Variants in B9D1 observed in about 807,000 individuals in gnomAD.
B9D1 encodes the protein B9 domain containing 1.
A neutral mutation model predicts 26.1 loss-of-function variants in B9D1; 20 were observed. The ratio of observed to expected loss-of-function variants is 0.77; its 90% CI spans 0.54 to 1.12. B9D1 has a LOEUF of 1.12. B9D1 is among the 50% of genes most tolerant of loss of function. The probability of loss-of-function intolerance (pLI) is 0.00; values close to 1 mark genes in which losing one functional copy is unlikely to be tolerated. For synonymous variants in B9D1, 105 were observed against 103.1 expected (o/e 1.02, Z -0.11); for missense variants, 260 against 273.7 (o/e 0.95, Z 0.35).
At chr17:19,339,889 G>A (rs1009090197), downstream of B9D1, among the ~76,000 whole-genome samples, 2 of 152,194 alleles carry the variant, frequency 1.3e-5, no homozygotes, top group African/African-American at 4.8e-5. Flanking sequence ...CCTAGGAAAT[G>A]TAGTCTTCTG....
intron 1 of B9D1, among the ~76,000 whole-genome samples, chr17:19,374,370 T>A (rs1036096572): frequency 2.0e-5 from 3 of 152,196 alleles, no homozygotes; most frequent in African/African-American, 4.8e-5. Flanking sequence ...ATGGCAAATC[T>A]CCCCATTTTT....
intron 1 of B9D1, 22 bp from the exon 2 acceptor site, chr17:19,360,410 T>G: frequency 6.2e-7 from 1 of 1,610,014 alleles, no homozygotes; most frequent in South Asian, 1.1e-5. Flanking sequence ...ACAGACAGAT[T>G]CTGTCGACTG....
chr17:19,376,982 C>A (rs1041274174), intron 1 of B9D1, among the ~76,000 whole-genome samples: 6 of 152,122 alleles, frequency 3.9e-5, no homozygotes, highest in Non-Finnish European at 5.9e-5. Context: ...TTTGAGTTGT[C>A]CCGCCCTTCC....
chr17:19,347,863 T>G lies in B9D1; in HGVS notation c.262A>C (p.Ser88Arg). 6.2e-7 allele frequency: 1 copy of G among 1,614,084 alleles called. No homozygotes were observed. Among genetic ancestry groups the G allele is most frequent in the Non-Finnish European group, 8.5e-7 (1 of 1,180,016 alleles). Residue 88 changes from serine to arginine, a missense_variant, in exon 4 of 7, where the codon AGC (serine) becomes CGC (arginine). Physicochemically the swap from Ser to Arg is moderately radical, Grantham distance 110. Transcript: ENST00000261499. This position sits in a 1 kb window ranked among gnomAD's most constrained non-coding sequence, Gnocchi z 4.3. ...NPYGWPQIVL[S>R]VYGPDVFGND... is the part of the protein sequence containing the mutation. Reference sequence around the variant, plus strand: ...CCGAACACATCTGGTCCATACACGCTGAGCACGATCTGTGGCCCTTGGGAA... The same window carrying G: ...CCGAACACATCTGGTCCATACACGCGGAGCACGATCTGTGGCCCTTGGGAA...
intron 5 of B9D1, among the ~76,000 whole-genome samples, chr17:19,344,341 C>T (rs1908424158): frequency 6.6e-6 from 1 of 152,218 alleles, no homozygotes; most frequent in Admixed American, 6.5e-5. Context: ...CTCAGCCTTA[C>T]CTCCCACTAG....
chr17:19,357,235 C>T (rs1287230852), intron 3 of B9D1, among the ~76,000 whole-genome samples: 17 of 152,242 alleles, frequency 1.1e-4, no homozygotes, highest in Admixed American at 1.1e-3. Context: ...TATTCATAGT[C>T]CCCATGGAGA....
At chr17:19,360,906 C>T (rs1292063328) in intron 1 of B9D1, among the ~76,000 whole-genome samples, 4 of 152,146 alleles carry the variant, frequency 2.6e-5, no homozygotes, top group South Asian at 2.1e-4. Flanking sequence ...CTGTTAGGAA[C>T]GGGTCCACAC....
chr17:19,352,615 G>A (rs1221760185), intron 3 of B9D1, among the ~76,000 whole-genome samples: 4 of 145,052 alleles, frequency 2.8e-5, no homozygotes, highest in Admixed American at 7.3e-5. Context: ...TCCACCTCCC[G>A]GGTTCAAGTG....
At chr17:19,348,330 C>A (rs1909137063) in intron 3 of B9D1, among the ~76,000 whole-genome samples, 1 of 152,170 alleles carries the variant, frequency 6.6e-6, no homozygotes, top group Non-Finnish European at 1.5e-5. Flanking sequence ...AAAGAAAAAC[C>A]TTCTGGGCAT....
chr17:19,357,950 C>G lies in B9D1; in HGVS notation c.134G>C (p.Gly45Ala). 1 of 1,610,882 alleles carries G rather than the reference C, an allele frequency of 6.2e-7. No individual in the cohort carries two copies. Among genetic ancestry groups the G allele is most frequent in the Non-Finnish European group, 8.5e-7 (1 of 1,177,012 alleles). Residue 45 changes from glycine (G) to alanine (A), a missense_variant and splice_region_variant, in exon 3 of 7, where the codon GGT becomes GCT. By Grantham distance (60) the Gly-to-Ala change is moderately conservative. Transcript: ENST00000261499. ...GATCTGTGAGATCCCCTCCTCCAGA[C>G]CCTGTGAGGACAGTGACACAGACGG... ...VYGQDWAPTA[G>A]LEEGISQITS...
At chr17:19,345,040 C>T (rs952866653) in intron 5 of B9D1, among the ~76,000 whole-genome samples, 1 of 152,224 alleles carries the variant, frequency 6.6e-6, no homozygotes, top group African/African-American at 2.4e-5. Context: ...AGATCCCATC[C>T]CGGAGCTCAC....
downstream of B9D1, chr17:19,337,574 C>T (rs1907548510): frequency 9.4e-6 from 7 of 745,276 alleles, no homozygotes; most frequent in Non-Finnish European, 1.6e-5. Flanking sequence ...CCGTTCAGTG[C>T]AGGGGACAGG....
intron 2 of B9D1, among the ~76,000 whole-genome samples, chr17:19,358,728 C>G (rs1248340471): frequency 6.6e-6 from 1 of 152,206 alleles, no homozygotes; most frequent in Non-Finnish European, 1.5e-5. Context: ...CTTTGGCCAG[C>G]TCCTCTACCT....
chr17:19,373,559 T>TTTTTGTA (rs1911988226), intron 1 of B9D1, among the ~76,000 whole-genome samples: 1 of 151,946 alleles, frequency 6.6e-6, no homozygotes. Flanking sequence ...GCCCAGCTAA[T>TTTTTGTA]TTTTGTATTT....
In B9D1 at chr17:19,362,722, G is replaced by C; in HGVS notation, c.-153C>G. On this transcript the variant is annotated 5_prime_UTR_variant, in exon 1 of 7. Transcript: ENST00000261499. ...GGCCACGCGAGTGCGCGTGTGGCAT[G>C]CGCAGGCGCAGTGAACGGGCGCCGT... 1 of 1,527,350 alleles carries C rather than the reference G, an allele frequency of 6.5e-7. No individual in the cohort carries two copies. The highest frequency in any genetic ancestry group is 1.2e-5 in the South Asian group (1 of 83,304). The allele number at this position is 1,527,350 out of a possible 1,614,324, so 94.6% of individuals were successfully genotyped here.
upstream of B9D1, among the ~76,000 whole-genome samples, chr17:19,364,010 C>T (rs532190496): frequency 9.2e-5 from 14 of 152,308 alleles, no homozygotes; most frequent in South Asian, 2.1e-4. The surrounding 1 kb of genome is among the most constrained non-coding windows in gnomAD (Gnocchi z 4.3). Context: ...CTTCTTCCCC[C>T]GCTCTGTCCA....
upstream of B9D1, chr17:19,362,772 C>CGGGGAACACGGGGG: frequency 1.4e-6 from 1 of 722,342 alleles, no homozygotes; most frequent in Non-Finnish European, 2.1e-6. Flanking sequence ...GCACAAGGGG[C>CGGGGAACACGGGGG]GGGGATCCAC....
chr17:19,340,032 A>ACC (rs1907773160), downstream of B9D1, among the ~76,000 whole-genome samples: 1 of 22,926 alleles, frequency 4.4e-5, no homozygotes, highest in African/African-American at 1.8e-4. Flanking sequence ...CCACATGCCC[A>ACC]ACCCCCCCCC....
In B9D1 at chr17:19,371,018, C is replaced by G. The variant is rs143637291; in HGVS notation, c.-298+6841G>C. Among the ~76,000 whole-genome samples, 252 of 152,362 alleles carry G rather than the reference C, an allele frequency of 1.7e-3. 3 individuals are homozygous for G. The highest frequency in any genetic ancestry group is 3.2e-3 in the Non-Finnish European group (221 of 68,034). On this transcript the variant is annotated intron_variant, in intron 1 of 5. Transcript: ENST00000477478. ...GGTGCCTTCGCCTCTCTGGGTGAAC[C>G]CTGCTCACCCTGAGCCCCTGCATGT...
Sources: gnomAD v4.1 joint callset for allele counts (sites outside exome capture counted in the v4.1 genomes callset) on GRCh38, gnomAD v4.1.1 for gene constraint, Gnocchi (gnomAD v3.1) non-coding constraint, MANE v1.5 for transcripts, NCBI Gene and HGNC (gene_info 2026-07-23, HGNC 2026-07-21) for gene names.